Variants in PCSK2 observed in about 807,000 individuals in gnomAD.
PCSK2 encodes the protein proprotein convertase subtilisin/kexin type 2, also known as neuroendocrine convertase 2.
PCSK2 carries 14 observed loss-of-function variants against 69.7 expected under a neutral mutation model. The observed-to-expected ratio is 0.20, with a 90% confidence interval of 0.13 to 0.31. The LOEUF (loss-of-function observed/expected upper bound fraction) is 0.31. Ranked by LOEUF, PCSK2 falls within the 10% of genes least tolerant of loss-of-function variation. The pLI is 1.00. For synonymous variants in PCSK2, 307 were observed against 320.7 expected (o/e 0.96, Z 0.46); for missense variants, 544 against 842.5 (o/e 0.65, Z 4.39).
chr20:17,251,227 AC>A (rs1986965615), intron 1 of PCSK2, among the ~76,000 whole-genome samples: 1 of 152,226 alleles, frequency 6.6e-6, no homozygotes, highest in African/African-American at 2.4e-5. Flanking sequence ...CAGCACACAT[AC>A]ATTTTCTTCC....
chr20:17,454,064 G>C, intron 9 of PCSK2, 107 bp downstream of exon 9: 3 of 1,489,098 alleles, frequency 2.0e-6, no homozygotes, highest in Non-Finnish European at 2.7e-6. Flanking sequence ...CTCCCTCAGA[G>C]CCTGAACTAA....
intron 2 of PCSK2, among the ~76,000 whole-genome samples, chr20:17,262,638 G>C (rs1987435350): frequency 6.6e-6 from 1 of 152,136 alleles, no homozygotes; most frequent in South Asian, 2.1e-4. Context: ...TGCAAAGATA[G>C]TAAACTAAAG....
intron 5 of PCSK2, among the ~76,000 whole-genome samples, chr20:17,393,958 T>C (rs1052931891): frequency 1.4e-4 from 22 of 152,224 alleles, no homozygotes; most frequent in Admixed American, 3.3e-4. Context: ...CTTGGAAGCA[T>C]GCTTGTGTTG....
At chr20:17,437,834 C>T (rs1263012399) in intron 8 of PCSK2, among the ~76,000 whole-genome samples, 1 of 152,212 alleles carries the variant, frequency 6.6e-6, no homozygotes, top group Admixed American at 6.5e-5. Flanking sequence ...GGGCCTCAGC[C>T]GATAGATTCG....
chr20:17,402,482 C>T (rs2031660497), intron 5 of PCSK2, among the ~76,000 whole-genome samples: 1 of 150,756 alleles, frequency 6.6e-6, no homozygotes, highest in African/African-American at 2.4e-5. Context: ...CCTGGCCTGG[C>T]CAACATGGCA....
At chr20:17,378,949 C>T (rs1156621826) in intron 5 of PCSK2, among the ~76,000 whole-genome samples, 1 of 152,156 alleles carries the variant, frequency 6.6e-6, no homozygotes, top group African/African-American at 2.4e-5. Flanking sequence ...AAATATTTTA[C>T]TGGCTTTTTT....
chr20:17,403,129 G>C (rs1175938560), intron 5 of PCSK2, among the ~76,000 whole-genome samples: 1 of 152,190 alleles, frequency 6.6e-6, no homozygotes, highest in African/African-American at 2.4e-5. Context: ...ATGGGAAAAT[G>C]TGTCAAATCC....
chr20:17,464,385 G>GAAGA lies in PCSK2; in HGVS notation c.1203-939_1203-938insGAAA, dbSNP rs1555797599. Reference sequence around the variant, plus strand: ...TTACAAGAAGACTAGTTTATTCACTGAACAATGTGCCAAGGACCATCCTGG... The same window carrying GAAGA: ...TTACAAGAAGACTAGTTTATTCACTGAAGAAACAATGTGCCAAGGACCATCCTGG... On this transcript the variant is annotated intron_variant, in intron 10 of 11. Coordinates refer to ENST00000262545, the MANE Select transcript of PCSK2 (RefSeq NM_002594.5). 7.9e-5 allele frequency: 12 copies of GAAGA among 151,894 alleles called. No individual in the cohort carries two copies. The South Asian group carries it at 2.5e-3, about 32-fold the overall frequency. 9.4% of individuals were successfully genotyped at this position (151,894 alleles called of 1,614,324 possible).
chr20:17,429,783 A>G (rs867289344), intron 7 of PCSK2, among the ~76,000 whole-genome samples: 18 of 152,364 alleles, frequency 1.2e-4, no homozygotes, highest in Admixed American at 6.5e-4. Context: ...ATACCCATAC[A>G]GTGATCAGGA....
chr20:17,366,566 C>G (rs1461434586), intron 4 of PCSK2, among the ~76,000 whole-genome samples: 2 of 151,996 alleles, frequency 1.3e-5, no homozygotes, highest in Non-Finnish European at 1.5e-5. Flanking sequence ...AAACATAAGC[C>G]GATTAGGAAG....
intron 1 of PCSK2, among the ~76,000 whole-genome samples, chr20:17,257,391 A>G (rs937934007): frequency 2.1e-4 from 32 of 152,194 alleles, no homozygotes; most frequent in African/African-American, 7.7e-4. Context: ...TAGAACCAGA[A>G]ATACCATTTG....
At chr20:17,402,601 C>A (rs1389180221) in intron 5 of PCSK2, among the ~76,000 whole-genome samples, 1 of 145,038 alleles carries the variant, frequency 6.9e-6, no homozygotes, top group Non-Finnish European at 1.5e-5. Context: ...ACAGAGGTTG[C>A]AGTGAGCTGA....
intron 1 of PCSK2, among the ~76,000 whole-genome samples, chr20:17,244,656 T>C (rs941876474): frequency 6.6e-6 from 1 of 152,228 alleles, no homozygotes; most frequent in African/African-American, 2.4e-5. Context: ...TAATAAATTA[T>C]GTCTCCTTCC....
chr20:17,407,629 CA>C (rs1206457137), intron 5 of PCSK2, among the ~76,000 whole-genome samples: 1 of 152,060 alleles, frequency 6.6e-6, no homozygotes, highest in Non-Finnish European at 1.5e-5. Flanking sequence ...GGAGAAAGGC[CA>C]AATCTGAGAG....
At chr20:17,376,342 T>TA (rs1193619928) in intron 5 of PCSK2, among the ~76,000 whole-genome samples, 3 of 152,258 alleles carry the variant, frequency 2.0e-5, no homozygotes, top group South Asian at 2.1e-4. Flanking sequence ...GTAAGCTATC[T>TA]AAACACCTGC....
intron 2 of PCSK2, among the ~76,000 whole-genome samples, chr20:17,269,290 G>A (rs147194610): frequency 6.9e-4 from 105 of 151,868 alleles, no homozygotes; most frequent in African/African-American, 2.5e-3. Context: ...TAGAAGAGAA[G>A]ATTTGTGGGA....
chr20:17,372,734 G>T (rs1485543906), intron 5 of PCSK2, among the ~76,000 whole-genome samples: 1 of 152,122 alleles, frequency 6.6e-6, no homozygotes, highest in Non-Finnish European at 1.5e-5. Context: ...TGGTATAGAT[G>T]AGAAAACTGA....
chr20:17,300,487 G>A (rs1243060977), intron 2 of PCSK2, among the ~76,000 whole-genome samples: 1 of 152,202 alleles, frequency 6.6e-6, no homozygotes, highest in Non-Finnish European at 1.5e-5. Flanking sequence ...AATTATGCAT[G>A]TTGTCTGATT....
chr20:17,277,888 C>T (rs1248557900), intron 2 of PCSK2, among the ~76,000 whole-genome samples: 1 of 151,664 alleles, frequency 6.6e-6, no homozygotes, highest in Non-Finnish European at 1.5e-5. Flanking sequence ...AAACAAACAA[C>T]CCCATCAAAA....
Sources: gnomAD v4.1 joint callset for allele counts (sites outside exome capture counted in the v4.1 genomes callset) on GRCh38, gnomAD v4.1.1 for gene constraint, MANE v1.5 for transcripts, NCBI Gene and HGNC (gene_info 2026-07-23, HGNC 2026-07-21) for gene names.